The following AP1S3 variants were observed in gnomAD, a reference collection of about 807,000 sequenced individuals.
AP1S3 encodes adaptor related protein complex 1 subunit sigma 3.
A neutral mutation model predicts 20.9 loss-of-function variants in AP1S3; 10 were observed. The observed-to-expected ratio is 0.48, with a 90% CI of 0.29 to 0.81. AP1S3 has a LOEUF of 0.81. AP1S3 is among the 30% of genes least tolerant of loss of function. AP1S3 has a pLI of 0.08. For missense variants in AP1S3, 154 were observed against 183.8 expected (o/e 0.84, Z 0.94); for synonymous variants, 41 against 61.5 (o/e 0.67, Z 1.56).
chr2:223,806,441 G>A (rs1574716349), intron 1 of AP1S3, among the ~76,000 whole-genome samples: 3 of 151,340 alleles, frequency 2.0e-5, no homozygotes, highest in Non-Finnish European at 4.4e-5. Flanking sequence ...TCGCCACCAC[G>A]CCCGGCTAAT....
At chr2:223,770,562 TGAAGA>T (rs973447950) in intron 3 of AP1S3, among the ~76,000 whole-genome samples, 1 of 151,314 alleles carries the variant, frequency 6.6e-6, no homozygotes, top group African/African-American at 2.4e-5. Flanking sequence ...TCTGTAGCTC[TGAAGA>T]GAAATGTATA....
At chr2:223,798,339 G>A (rs1450293115) in intron 1 of AP1S3, among the ~76,000 whole-genome samples, 1 of 152,116 alleles carries the variant, frequency 6.6e-6, no homozygotes, top group Non-Finnish European at 1.5e-5. Context: ...ACTAGCTACT[G>A]TGAAATGTTC....
At chr2:223,795,303 T>C (rs1177022712) in intron 1 of AP1S3, among the ~76,000 whole-genome samples, 2 of 152,210 alleles carry the variant, frequency 1.3e-5, no homozygotes. Flanking sequence ...TGAAGCCTTT[T>C]GTAATGTATC....
chr2:223,776,160 T>G, intron 2 of AP1S3, 151 bp from the exon 3 acceptor site: 1 of 711,464 alleles, frequency 1.4e-6, no homozygotes, highest in Non-Finnish European at 2.6e-6. Flanking sequence ...AATAGCCTCC[T>G]GAAATATAAA....
chr2:223,820,488 AACTTC>A (rs1029438626), intron 1 of AP1S3, among the ~76,000 whole-genome samples: 1 of 152,084 alleles, frequency 6.6e-6, no homozygotes, highest in African/African-American at 2.4e-5. Context: ...TAAAACTTTA[AACTTC>A]ACTTTAATAC....
rs181253006 is a variant in AP1S3, at chr2:223,827,245, G to A, written c.3+10203C>T. Among the ~76,000 whole-genome samples, 773 of 152,192 alleles carry A rather than the reference G, an allele frequency of 5.1e-3. 5 individuals are homozygous for A. The highest frequency in any genetic ancestry group is 0.01 in the Middle Eastern group (3 of 292). On this transcript the variant is annotated intron_variant, in intron 1 of 4. Transcript: ENST00000396654. ...TTAGAACTGAAGACATGACTTCTTA[G>A]TAATGAAACTGAAGGTAAGTACTTG...
intron 4 of AP1S3, among the ~76,000 whole-genome samples, chr2:223,761,964 T>C (rs1173485710): frequency 6.6e-6 from 1 of 152,072 alleles, no homozygotes; most frequent in East Asian, 1.9e-4. Context: ...CTATCGCCTT[T>C]GAGAGTTTCA....
At chr2:223,835,894 G>A (rs1692383913) in intron 1 of AP1S3, among the ~76,000 whole-genome samples, 1 of 152,178 alleles carries the variant, frequency 6.6e-6, no homozygotes. Context: ...TCCAGCCTCT[G>A]TTAGGCAAAT....
intron 3 of AP1S3, among the ~76,000 whole-genome samples, chr2:223,766,620 G>A (rs1690490645): frequency 1.3e-5 from 2 of 152,214 alleles, no homozygotes; most frequent in South Asian, 4.1e-4. Context: ...GTGTAAATTA[G>A]TTCAACCATT....
At chr2:223,786,581 G>A (rs1008715687) in intron 1 of AP1S3, among the ~76,000 whole-genome samples, 5 of 150,982 alleles carry the variant, frequency 3.3e-5, no homozygotes, top group Admixed American at 6.7e-5. Context: ...TAGTGAGACC[G>A]TGTGTCTCTA....
intron 1 of AP1S3, among the ~76,000 whole-genome samples, chr2:223,833,567 A>G (rs1367631686): frequency 6.6e-6 from 1 of 152,214 alleles, no homozygotes; most frequent in East Asian, 1.9e-4. Context: ...CTGTGTGTAA[A>G]GTACTAGGTG....
intron 1 of AP1S3, among the ~76,000 whole-genome samples, chr2:223,834,326 C>A (rs1218513775): frequency 6.6e-6 from 1 of 152,126 alleles, no homozygotes; most frequent in African/African-American, 2.4e-5. Context: ...CCCAATTGTT[C>A]ATGCCTATAA....
intron 3 of AP1S3, among the ~76,000 whole-genome samples, chr2:223,769,696 AAAAAAGAAAG>A (rs1690563309): frequency 6.6e-6 from 1 of 152,102 alleles, no homozygotes; most frequent in African/African-American, 2.4e-5. Context: ...TAAGGAGGAA[AAAAAAGAAAG>A]TTGCAGAATA....
chr2:223,771,651 G>T (rs1368745474), intron 3 of AP1S3, among the ~76,000 whole-genome samples: 1 of 152,214 alleles, frequency 6.6e-6, no homozygotes, highest in Non-Finnish European at 1.5e-5. Context: ...GGTGCAGTGA[G>T]ATTATTTCTG....
At chr2:223,823,345 G>GAT (rs1243938269) in intron 1 of AP1S3, among the ~76,000 whole-genome samples, 1 of 152,140 alleles carries the variant, frequency 6.6e-6, no homozygotes, top group Non-Finnish European at 1.5e-5. Context: ...CAACCTAAAT[G>GAT]TCCGTCAGTG....
In AP1S3 at chr2:223,755,810, G is replaced by A. The variant is rs540719549; in HGVS notation, c.*2905C>T. The A allele has an allele frequency of 6.2e-5, 61 of 984,748 alleles. 1 individual carries two copies. The African/African-American group carries it at 7.0e-4, about 11-fold the overall frequency. 61.0% of individuals were successfully genotyped at this position (984,748 alleles called of 1,614,324 possible). On this transcript the variant is annotated 3_prime_UTR_variant, in exon 5 of 5. Coordinates refer to ENST00000396654, the MANE Select transcript of AP1S3 (RefSeq NM_001039569.2). ...CTCCCAAAGTGCTGGGATTACAGGC[G>A]TGAGCCACCTTGCCCAGAAGAGATA... is the stretch of plus-strand genomic sequence containing the variant.
intron 3 of AP1S3, among the ~76,000 whole-genome samples, chr2:223,771,515 C>T (rs907671388): frequency 3.9e-5 from 6 of 152,128 alleles, no homozygotes; most frequent in Non-Finnish European, 8.8e-5. Flanking sequence ...TTTATTTTCT[C>T]GTGTATCTAG....
At chr2:223,764,592 A>C (rs575764000) in intron 4 of AP1S3, among the ~76,000 whole-genome samples, 1 of 152,122 alleles carries the variant, frequency 6.6e-6, no homozygotes. Flanking sequence ...AGCAAACCAC[A>C]GTGTTCCCAA....
chr2:223,828,082 A>T (rs1283075684), intron 1 of AP1S3, among the ~76,000 whole-genome samples: 4 of 41,504 alleles, frequency 9.6e-5, no homozygotes, highest in Non-Finnish European at 2.1e-4. Flanking sequence ...AAAAAAAAAA[A>T]AAAAAAAAAA....
Sources: allele counts gnomAD v4.1 joint callset (sites outside exome capture counted in the v4.1 genomes callset), GRCh38; gene constraint gnomAD v4.1.1; transcripts MANE v1.5; gene names NCBI Gene and HGNC (gene_info 2026-07-23, HGNC 2026-07-21).